SCHIP1: variants seen among roughly 807,000 people sequenced by gnomAD.
SCHIP1 encodes the protein schwannomin-interacting protein 1.
In SCHIP1, 8 loss-of-function variants were observed where a neutral mutation model predicts 29.7. The ratio of observed to expected loss-of-function variants is 0.27; its 90% CI spans 0.16 to 0.49. The LOEUF is 0.49. SCHIP1 is among the 20% of genes least tolerant of loss of function. The pLI is 0.99. For missense variants in SCHIP1, 193 were observed against 294.6 expected (o/e 0.66, Z 2.52); for synonymous variants, 76 against 94.9 (o/e 0.80, Z 1.16).
At chr3:159,688,647 G>T in the SCHIP1 span, among the ~76,000 whole-genome samples, 3 of 152,040 alleles carry the variant, frequency 2.0e-5, no homozygotes, top group Non-Finnish European at 4.4e-5. Flanking sequence ...ATTGCTTTTG[G>T]TGTTTTAGTC....
the SCHIP1 span, among the ~76,000 whole-genome samples, chr3:159,518,626 C>T: frequency 6.6e-6 from 1 of 152,000 alleles, no homozygotes; most frequent in East Asian, 1.9e-4. Context: ...AGGACACTTT[C>T]TCAGAGTGTT....
At chr3:159,626,179 TCTAG>T in the SCHIP1 span, among the ~76,000 whole-genome samples, 1,327 of 106,932 alleles carry the variant, frequency 0.012, 158 homozygotes, top group African/African-American at 0.061. Flanking sequence ...TATCTATCTA[TCTAG>T]ATAGATAGAT....
the SCHIP1 span, among the ~76,000 whole-genome samples, chr3:159,358,872 G>C: frequency 6.6e-6 from 1 of 150,580 alleles, no homozygotes; most frequent in African/African-American, 2.5e-5. Context: ...ATGCAAGCAT[G>C]GTATTGTAAG....
chr3:159,729,114 C>G, the SCHIP1 span, among the ~76,000 whole-genome samples: 16 of 151,654 alleles, frequency 1.1e-4, no homozygotes, highest in African/African-American at 3.6e-4. Context: ...CACCACTGCA[C>G]TCCAGCCTAG....
the SCHIP1 span, among the ~76,000 whole-genome samples, chr3:159,281,558 C>A: frequency 6.0e-4 from 92 of 152,246 alleles, no homozygotes; most frequent in East Asian, 0.015. Flanking sequence ...TGAAGACCTA[C>A]AAATCTGTGC....
chr3:159,871,212 C>T (rs889271740), intron 2 of SCHIP1, among the ~76,000 whole-genome samples: 4 of 151,924 alleles, frequency 2.6e-5, no homozygotes, highest in African/African-American at 9.7e-5. Flanking sequence ...ACACTAAAAG[C>T]TGTTTATAAA....
At chr3:159,284,577 T>C in the SCHIP1 span, among the ~76,000 whole-genome samples, 1 of 152,086 alleles carries the variant, frequency 6.6e-6, no homozygotes, top group Non-Finnish European at 1.5e-5. Flanking sequence ...CAACCTCTGC[T>C]TCCCGGGTTA....
chr3:159,299,825 T>C, the SCHIP1 span, among the ~76,000 whole-genome samples: 1 of 152,062 alleles, frequency 6.6e-6, no homozygotes, highest in African/African-American at 2.4e-5. Context: ...TGTGAGGGAG[T>C]GAGGTCCCAC....
At chr3:159,863,859 T>A (rs1261457052) in intron 1 of SCHIP1, among the ~76,000 whole-genome samples, 1 of 152,212 alleles carries the variant, frequency 6.6e-6, no homozygotes, top group Non-Finnish European at 1.5e-5. Context: ...CTCCAATATC[T>A]GTAGCTCTAG....
the SCHIP1 span, among the ~76,000 whole-genome samples, chr3:159,772,202 G>A: frequency 6.6e-6 from 1 of 152,168 alleles, no homozygotes; most frequent in Non-Finnish European, 1.5e-5. Context: ...CCAGGCTGCA[G>A]TACAGTGGCA....
the SCHIP1 span, among the ~76,000 whole-genome samples, chr3:159,322,039 A>G: frequency 6.6e-6 from 1 of 151,874 alleles, no homozygotes; most frequent in African/African-American, 2.4e-5. Context: ...TACAGGCTAC[A>G]TCTTTGCCAG....
chr3:159,620,444 T>G, the SCHIP1 span, among the ~76,000 whole-genome samples: 9 of 152,220 alleles, frequency 5.9e-5, no homozygotes, highest in Non-Finnish European at 1.3e-4. Context: ...AGCTATGACA[T>G]GCATAAAGCC....
At chr3:159,301,548 T>C in the SCHIP1 span, among the ~76,000 whole-genome samples, 1 of 152,130 alleles carries the variant, frequency 6.6e-6, no homozygotes, top group East Asian at 1.9e-4. Context: ...TCATCTTGAA[T>C]TGTAATCCCC....
chr3:159,770,369 C>G, the SCHIP1 span, among the ~76,000 whole-genome samples: 1 of 152,204 alleles, frequency 6.6e-6, no homozygotes, highest in African/African-American at 2.4e-5. Context: ...AAGTGATTCT[C>G]CTGCCTCAGC....
chr3:159,300,044 C>T, the SCHIP1 span, among the ~76,000 whole-genome samples: 1 of 150,080 alleles, frequency 6.7e-6, no homozygotes, highest in South Asian at 2.1e-4. Flanking sequence ...CCTGAGGTAC[C>T]TCTATTTGCC....
At chr3:159,424,018 A>C in the SCHIP1 span, among the ~76,000 whole-genome samples, 60 of 146,646 alleles carry the variant, frequency 4.1e-4, no homozygotes, top group African/African-American at 1.5e-3. Context: ...TAGAAGGAAA[A>C]CTAACAAACA....
chr3:159,281,966 C>T, the SCHIP1 span, among the ~76,000 whole-genome samples: 2 of 151,924 alleles, frequency 1.3e-5, no homozygotes, highest in African/African-American at 2.4e-5. Context: ...ATATTTTCAA[C>T]ATTTTTCACT....
chr3:159,561,213 G>T, the SCHIP1 span, among the ~76,000 whole-genome samples: 19 of 152,140 alleles, frequency 1.2e-4, no homozygotes, highest in Non-Finnish European at 2.4e-4. Context: ...ATGTCCACAA[G>T]GATTACAGTG....
At chr3:159,274,967 T>G in the SCHIP1 span, 1 of 983,002 alleles carries the variant, frequency 1.0e-6, no homozygotes, top group African/African-American at 1.7e-5. Context: ...GGATTCTTTC[T>G]GTTATGGATA....
Sources: allele counts gnomAD v4.1 joint callset (sites outside exome capture counted in the v4.1 genomes callset), GRCh38; gene constraint gnomAD v4.1.1; transcripts MANE v1.5; gene names NCBI Gene and HGNC (gene_info 2026-07-23, HGNC 2026-07-21).